The following CLDN14 variants were observed in gnomAD, a reference collection of about 807,000 sequenced individuals.
CLDN14 encodes claudin 14.
In CLDN14, 2 loss-of-function variants were observed where a neutral mutation model predicts 2.1. That is an observed-to-expected ratio of 0.96 (90% CI 0.39 to 3.01). The LOEUF (loss-of-function observed/expected upper bound fraction) is 3.01, where lower values mean the gene tolerates loss of function less well. Among genes scored for constraint, CLDN14 ranks in the 30% most tolerant of loss-of-function variants. The pLI is 0.09. For synonymous variants in CLDN14, 136 were observed against 154.4 expected (o/e 0.88, Z 0.88); for missense variants, 298 against 328.0 (o/e 0.91, Z 0.71).
intron 2 of CLDN14, among the ~76,000 whole-genome samples, chr21:36,491,349 A>G (rs1356782276): frequency 6.6e-6 from 1 of 152,176 alleles, no homozygotes; most frequent in African/African-American, 2.4e-5. Context: ...CGCCTCTTCC[A>G]TAAAGGGGTT....
chr21:36,560,503 C>T (rs1292184523), intron 1 of CLDN14, among the ~76,000 whole-genome samples: 2 of 152,104 alleles, frequency 1.3e-5, no homozygotes, highest in African/African-American at 4.8e-5. Context: ...AAGTGCATAT[C>T]ATGTGATTTT....
At chr21:36,503,391 T>C (rs545917768) in intron 2 of CLDN14, among the ~76,000 whole-genome samples, 1 of 152,360 alleles carries the variant, frequency 6.6e-6, no homozygotes, top group East Asian at 1.9e-4. Context: ...AATCTCATCT[T>C]GAATTCCCAT....
In CLDN14 at chr21:36,564,680, A is replaced by G. The variant is rs76203333; in HGVS notation, c.-220+11731T>C. ...GCCCTCATCTCCAGAACCCATGAGT[A>G]TGTTATGTTACATGCAAGGGCAGTG... On this transcript the variant is annotated intron_variant, in intron 1 of 2. Transcript: ENST00000342108. 8.2e-3 allele frequency among the ~76,000 whole-genome samples: 1,245 copies of G among 152,318 alleles called. 22 individuals are homozygous for G. Among genetic ancestry groups the G allele is most frequent in the African/African-American group, 0.028 (1,172 of 41,568 alleles).
At chr21:36,489,932 T>C (rs774088231) in intron 2 of CLDN14, among the ~76,000 whole-genome samples, 2 of 152,200 alleles carry the variant, frequency 1.3e-5, no homozygotes, top group Non-Finnish European at 1.5e-5. Flanking sequence ...TGATGAGCAC[T>C]GAGCCCTCAA....
At chr21:36,472,582 C>T (rs889941491) in intron 1 of CLDN14, among the ~76,000 whole-genome samples, 1 of 152,200 alleles carries the variant, frequency 6.6e-6, no homozygotes, top group African/African-American at 2.4e-5. Context: ...CACACCCAGT[C>T]AGGTGAAGGC....
chr21:36,468,362 A>G (rs2146426835), intron 1 of CLDN14, among the ~76,000 whole-genome samples: 1 of 152,226 alleles, frequency 6.6e-6, no homozygotes, highest in East Asian at 1.9e-4. Flanking sequence ...AGATCACCTG[A>G]GGTCGGGAGT....
At chr21:36,534,229 G>A (rs929390095) in intron 1 of CLDN14, among the ~76,000 whole-genome samples, 2 of 152,060 alleles carry the variant, frequency 1.3e-5, no homozygotes, top group African/African-American at 2.4e-5. Context: ...AGCCTCCCGA[G>A]TAGCTGGGAT....
chr21:36,553,342 C>T (rs777019206), intron 1 of CLDN14, among the ~76,000 whole-genome samples: 8 of 152,142 alleles, frequency 5.3e-5, no homozygotes, highest in Non-Finnish European at 1.2e-4. Context: ...GATTTCAACA[C>T]AGGAGGGGGC....
intron 1 of CLDN14, among the ~76,000 whole-genome samples, chr21:36,565,242 A>C (rs911397154): frequency 3.3e-5 from 5 of 152,150 alleles, no homozygotes; most frequent in Non-Finnish European, 7.4e-5. Context: ...TTTGAGGTGC[A>C]GGGGGTCAGT....
Position 36,460,888 on chromosome 21 carries a change from A to C in CLDN14, c.*88T>G. 6.7e-7 allele frequency: 1 copy of C among 1,498,150 alleles called. No homozygotes were observed. The highest frequency in any genetic ancestry group is 9.1e-7 in the Non-Finnish European group (1 of 1,101,028). The allele number at this position is 1,498,150 out of a possible 1,614,324, so 92.8% of individuals were successfully genotyped here. A position where few individuals can be genotyped will look rare whatever the true frequency, so the allele number is the denominator to read the frequency against. ...TGGATACAAAAATTGCCCAGAAGTA[A>C]ACTTTGTGCTGGAACCCCTGCCTCC... On this transcript the variant is annotated 3_prime_UTR_variant, in exon 2 of 2. Coordinates refer to ENST00000399135, the MANE Select transcript of CLDN14 (RefSeq NM_001146079.2). This position sits in a 1 kb window ranked among gnomAD's most constrained non-coding sequence, Gnocchi z 4.0.
intron 1 of CLDN14, among the ~76,000 whole-genome samples, chr21:36,565,539 C>A (rs1234496612): frequency 6.6e-6 from 1 of 152,040 alleles, no homozygotes; most frequent in East Asian, 1.9e-4. Flanking sequence ...CTGTATATAG[C>A]ATTTGCCTAT....
At chr21:36,502,105 A>G (rs533808399) in intron 2 of CLDN14, among the ~76,000 whole-genome samples, 2 of 152,184 alleles carry the variant, frequency 1.3e-5, no homozygotes, top group Non-Finnish European at 2.9e-5. Context: ...AGCCAAAAGC[A>G]GTCACAGGGA....
chr21:36,549,906 C>T (rs540611074), intron 1 of CLDN14, among the ~76,000 whole-genome samples: 5 of 152,338 alleles, frequency 3.3e-5, no homozygotes, highest in Non-Finnish European at 5.9e-5. Flanking sequence ...GCACGGATGA[C>T]GCTTGAAAGC....
At chr21:36,464,010 C>CA (rs2086613460) in intron 1 of CLDN14, among the ~76,000 whole-genome samples, 1 of 152,218 alleles carries the variant, frequency 6.6e-6, no homozygotes, top group African/African-American at 2.4e-5. Flanking sequence ...TTTGTGTCCC[C>CA]ACCCAAATCT....
upstream of CLDN14, chr21:36,481,063 G>GT (rs780811884): frequency 3.3e-5 from 5 of 152,146 alleles, no homozygotes; most frequent in Admixed American, 6.5e-5. Context: ...TTTTTGGTCT[G>GT]TTTTTGGAAG....
chr21:36,461,410 C>A lies in CLDN14; in HGVS notation c.286G>T (p.Ala96Ser). ...ISCLLSGIAC[A>S]CAVIGMKCTR... ...CACTTCATCCCGATGACGGCGCAGG[C>A]GCAGGCTATGCCCGAGAGCAGGCAG... is the stretch of plus-strand genomic sequence containing the variant. The change falls in exon 2 of 2, where the codon GCC becomes TCC. Residue 96 changes from alanine (A) to serine (S), a missense_variant. Physicochemically the swap from Ala to Ser is moderately conservative, Grantham distance 99. Transcript: ENST00000399135. 1 of 1,613,172 alleles carries A rather than the reference C, an allele frequency of 6.2e-7. No homozygotes were observed. The highest frequency in any genetic ancestry group is 1.3e-5 in the African/African-American group (1 of 75,070).
chr21:36,514,691 A>G (rs9981161), intron 1 of CLDN14, among the ~76,000 whole-genome samples: 121,010 of 146,834 alleles, frequency 0.82, 50,811 homozygotes, highest in Middle Eastern at 0.93. Context: ...GAAGAGGAGG[A>G]CATGGGAAGA....
Position 36,572,950 on chromosome 21 carries a change from A to G in CLDN14, c.-220+3461T>C, listed in dbSNP as rs915139493. ...TGAAAATGTGATTTACCAAATGACA[A>G]TCGCAGGGTTATTTCAAAACAGTGT... On this transcript the variant is annotated intron_variant, in intron 1 of 2. Transcript: ENST00000342108. Among the ~76,000 whole-genome samples, 3 of 152,212 alleles carry G rather than the reference A, an allele frequency of 2.0e-5. No homozygotes were observed. The East Asian group carries it at 5.8e-4, about 29-fold the overall frequency.
At chr21:36,478,487 A>G (rs748365040) in intron 1 of CLDN14, among the ~76,000 whole-genome samples, 3 of 152,258 alleles carry the variant, frequency 2.0e-5, no homozygotes, top group African/African-American at 4.8e-5. Flanking sequence ...GACAGATACC[A>G]GCAAATGCAA....
Sources: allele counts gnomAD v4.1 joint callset (sites outside exome capture counted in the v4.1 genomes callset), GRCh38; gene constraint gnomAD v4.1.1; non-coding constraint Gnocchi (gnomAD v3.1); transcripts MANE v1.5; gene names NCBI Gene and HGNC (gene_info 2026-07-23, HGNC 2026-07-21).